Variants in KIRREL3 observed in about 807,000 individuals in gnomAD.
KIRREL3 encodes kin of IRRE-like protein 3.
KIRREL3 carries 36 observed loss-of-function variants against 89.7 expected under a neutral mutation model. The observed-to-expected ratio is 0.40, with a 90% CI of 0.31 to 0.53. The LOEUF (loss-of-function observed/expected upper bound fraction) is 0.53. Among genes scored for constraint, KIRREL3 ranks in the 20% least tolerant of loss-of-function variants. KIRREL3 has a pLI of 0.49. For missense variants in KIRREL3, 864 were observed against 1,056.6 expected, an observed-to-expected ratio of 0.82 and a Z score of 2.53; for synonymous variants, 445 against 441.4, an observed-to-expected ratio of 1.01 and a Z score of -0.10.
chr11:126,868,845 G>C lies in KIRREL3; in HGVS notation c.55+131610C>G, dbSNP rs573509729. 2.0e-5 allele frequency among the ~76,000 whole-genome samples: 3 copies of C among 152,250 alleles called. No individual in the cohort carries two copies. The East Asian group carries it at 5.8e-4, about 30-fold the overall frequency. ...GAAGTCCAAGACCAAGGCACTGGCAGATTAGGTGTCTGGGGAGGGCCTGGT... is the reference window on the plus strand; with the variant it reads ...GAAGTCCAAGACCAAGGCACTGGCACATTAGGTGTCTGGGGAGGGCCTGGT... On this transcript the variant is annotated intron_variant, in intron 1 of 16. Transcript: ENST00000525144.
rs1418081518 is a variant in KIRREL3 at position 126,739,372 on chromosome 11, C to T, written c.56-176460G>A. 3.3e-5 allele frequency among the ~76,000 whole-genome samples: 5 copies of T among 152,232 alleles called. No individual in the cohort carries two copies. Among genetic ancestry groups the T allele is most frequent in the African/African-American group, 1.2e-4 (5 of 41,458 alleles). ...TGTGTAGGAGGCTGGGTAGACATTACTAAATTACTTTCACTTTACAGATGG... is the reference window on the plus strand; with the variant it reads ...TGTGTAGGAGGCTGGGTAGACATTATTAAATTACTTTCACTTTACAGATGG... On this transcript the variant is annotated intron_variant, in intron 1 of 16. Coordinates refer to ENST00000525144, the MANE Select transcript of KIRREL3 (RefSeq NM_032531.4). This position sits in a 1 kb window ranked among gnomAD's most constrained non-coding sequence, Gnocchi z 5.5.
intron 1 of KIRREL3, among the ~76,000 whole-genome samples, chr11:126,751,667 G>GA (rs368506233): frequency 1.2e-3 from 165 of 143,328 alleles, no homozygotes; most frequent in African/African-American, 2.7e-3. Flanking sequence ...TCTTTTTGAG[G>GA]AAAAAAAAAA....
In KIRREL3 at chr11:126,645,083, G is replaced by A. The variant is rs924870546; in HGVS notation, c.56-82171C>T. Among the ~76,000 whole-genome samples, 3 of 152,296 alleles carry A rather than the reference G, an allele frequency of 2.0e-5. No individual in the cohort carries two copies. The East Asian group carries it at 5.8e-4, about 29-fold the overall frequency. ...CAATGGGAGAGTGGATAAATGAGCAGAGGTGAAGTGAACACAGCATATTCT... is the reference window on the plus strand; with the variant it reads ...CAATGGGAGAGTGGATAAATGAGCAAAGGTGAAGTGAACACAGCATATTCT... On this transcript the variant is annotated intron_variant, in intron 1 of 16. Transcript: ENST00000525144. The surrounding 1 kb of genome is among the most constrained non-coding windows in gnomAD (Gnocchi z 4.9).
chr11:126,643,137 T>TG lies in KIRREL3; in HGVS notation c.56-80226dup, dbSNP rs1231909760. On this transcript the variant is annotated intron_variant, in intron 1 of 16. Transcript: ENST00000525144. The surrounding 1 kb of genome is among the most constrained non-coding windows in gnomAD (Gnocchi z 4.5). ...CTGCCACTTACTAATTCTGTAATATTGGGCAGAAAATGTAAACAAGCATAG... is the reference window on the plus strand; with the variant it reads ...CTGCCACTTACTAATTCTGTAATATTGGGGCAGAAAATGTAAACAAGCATAG... Among the ~76,000 whole-genome samples, 1 of 152,196 alleles carries TG rather than the reference T, an allele frequency of 6.6e-6. No individual in the cohort carries two copies. The highest frequency in any genetic ancestry group is 1.5e-5 in the Non-Finnish European group (1 of 68,030).
In KIRREL3 at chr11:126,513,019, G is replaced by A. The variant is rs1218934180; in HGVS notation, c.433+8296C>T. On this transcript the variant is annotated intron_variant, in intron 4 of 16. Transcript: ENST00000525144. The surrounding 1 kb of genome is among the most constrained non-coding windows in gnomAD (Gnocchi z 5.9). ...TGAATGCGTCCCAGCTCCCCAGTGA[G>A]GGCCGTTTGTCCTGCTTGGGTCTGG... Among the ~76,000 whole-genome samples the A allele has an allele frequency of 6.6e-6, 1 of 152,102 alleles. No homozygotes were observed. Among genetic ancestry groups the A allele is most frequent in the Non-Finnish European group, 1.5e-5 (1 of 68,020 alleles).
At chr11:126,875,746 C>T (rs183925974) in intron 1 of KIRREL3, among the ~76,000 whole-genome samples, 1 of 152,306 alleles carries the variant, frequency 6.6e-6, no homozygotes, top group East Asian at 1.9e-4. Flanking sequence ...ATTGGCAATC[C>T]ATTCTCATTA....
chr11:126,882,193 A>T (rs1945530969), intron 1 of KIRREL3, among the ~76,000 whole-genome samples: 1 of 152,128 alleles, frequency 6.6e-6, no homozygotes, highest in African/African-American at 2.4e-5. Context: ...GATCCTTTCA[A>T]ATGTATCTAA....
chr11:126,585,220 CTTTT>C (rs3042225), intron 1 of KIRREL3, among the ~76,000 whole-genome samples: 16,633 of 82,044 alleles, frequency 0.2, 1,723 homozygotes, highest in East Asian at 0.45. Flanking sequence ...CGCCCGGCCT[CTTTT>C]TTTTTTTTTT....
chr11:126,819,235 C>G (rs997784806), intron 1 of KIRREL3, among the ~76,000 whole-genome samples: 1 of 152,136 alleles, frequency 6.6e-6, no homozygotes, highest in Admixed American at 6.5e-5. Context: ...AGCCAAGCCC[C>G]TGAGAGCATC....
intron 1 of KIRREL3, among the ~76,000 whole-genome samples, chr11:126,793,949 G>A (rs752094785): frequency 1.4e-4 from 22 of 152,074 alleles, no homozygotes; most frequent in Non-Finnish European, 2.5e-4. Context: ...GTTATATAAC[G>A]GCCTGAAAGG....
Position 126,739,030 on chromosome 11 carries a change from C to T in KIRREL3, c.56-176118G>A, listed in dbSNP as rs146955422. Among the ~76,000 whole-genome samples, 3 of 152,274 alleles carry T rather than the reference C, an allele frequency of 2.0e-5. No individual in the cohort carries two copies. The highest frequency in any genetic ancestry group is 2.9e-5 in the Non-Finnish European group (2 of 68,040). ...ATAACACTACAACAATCTTGAAAGGCGGGTATATATGATACAAACGGTACA... is the reference window on the plus strand; with the variant it reads ...ATAACACTACAACAATCTTGAAAGGTGGGTATATATGATACAAACGGTACA... On this transcript the variant is annotated intron_variant, in intron 1 of 16. Transcript: ENST00000525144. The surrounding 1 kb of genome is among the most constrained non-coding windows in gnomAD (Gnocchi z 5.5).
chr11:126,983,975 T>C lies in KIRREL3; in HGVS notation c.55+16480A>G, dbSNP rs1433915630. Among the ~76,000 whole-genome samples the C allele has an allele frequency of 6.6e-6, 1 of 152,110 alleles. No homozygotes were observed. Among genetic ancestry groups the C allele is most frequent in the Non-Finnish European group, 1.5e-5 (1 of 68,026 alleles). On this transcript the variant is annotated intron_variant, in intron 1 of 16. Coordinates refer to ENST00000525144, the MANE Select transcript of KIRREL3 (RefSeq NM_032531.4). The surrounding 1 kb of genome is among the most constrained non-coding windows in gnomAD (Gnocchi z 4.9). Reference sequence around the variant, plus strand: ...TCATTTTAGATGCATAGGAAATAATTTAATTCATTGCATGTAATGGATGCC... The same window carrying C: ...TCATTTTAGATGCATAGGAAATAATCTAATTCATTGCATGTAATGGATGCC...
intron 1 of KIRREL3, among the ~76,000 whole-genome samples, chr11:126,972,935 G>T (rs1042582107): frequency 3.9e-5 from 6 of 152,038 alleles, no homozygotes. Context: ...GTGCTGCTCT[G>T]GTTGAGTTGA....
rs550786058 is a variant in KIRREL3 at position 126,739,049 on chromosome 11, C to T, written c.56-176137G>A. Among the ~76,000 whole-genome samples the T allele has an allele frequency of 6.6e-5, 10 of 152,288 alleles. No individual in the cohort carries two copies. Among genetic ancestry groups the T allele is most frequent in the South Asian group, 4.1e-4 (2 of 4,828 alleles). ...GAAAGGCGGGTATATATGATACAAA[C>T]GGTACAAATGAAGAAACTGGCTTTC... On this transcript the variant is annotated intron_variant, in intron 1 of 16. Transcript: ENST00000525144. The surrounding 1 kb of genome is among the most constrained non-coding windows in gnomAD (Gnocchi z 5.5).
rs903305767 is a variant in KIRREL3, at chr11:126,989,966, C to T, written c.55+10489G>A. Among the ~76,000 whole-genome samples, 23 of 152,206 alleles carry T rather than the reference C, an allele frequency of 1.5e-4. No individual in the cohort carries two copies. The highest frequency in any genetic ancestry group is 5.6e-4 in the African/African-American group (23 of 41,434). ...CAGGAATAATGAAGCCTCATTTTAGCATCTGTTTGTTTTGTTTTTTCAGCA... is the reference window on the plus strand; with the variant it reads ...CAGGAATAATGAAGCCTCATTTTAGTATCTGTTTGTTTTGTTTTTTCAGCA... On this transcript the variant is annotated intron_variant, in intron 1 of 16. Coordinates refer to ENST00000525144, the MANE Select transcript of KIRREL3 (RefSeq NM_032531.4). This position sits in a 1 kb window ranked among gnomAD's most constrained non-coding sequence, Gnocchi z 6.2.
At chr11:126,831,980 C>T (rs1038731777) in intron 1 of KIRREL3, among the ~76,000 whole-genome samples, 6 of 152,234 alleles carry the variant, frequency 3.9e-5, no homozygotes, top group Non-Finnish European at 8.8e-5. Context: ...CTAAACTGTA[C>T]AGATAATGTG....
chr11:126,926,852 T>C lies in KIRREL3; in HGVS notation c.55+73603A>G, dbSNP rs550543648. On this transcript the variant is annotated intron_variant, in intron 1 of 16. Coordinates refer to ENST00000525144, the MANE Select transcript of KIRREL3 (RefSeq NM_032531.4). ...AGTTTTTCTAATCGCTATGGATTTT[T>C]CCCCCATTTTAGTGGATTTGAGAGA... 7.9e-5 allele frequency among the ~76,000 whole-genome samples: 12 copies of C among 152,268 alleles called. No homozygotes were observed. The East Asian group carries it at 1.9e-3, about 25-fold the overall frequency.
At position 126,615,813 on chromosome 11, in the gene KIRREL3, A is replaced by G. The variant is rs1487364482; in HGVS notation, c.56-52901T>C. ...GGCTCTGGGATGGCAGTGCTCTCTCAGCAGTTATGGTCTTTTCCAGGTAAT... is the reference window on the plus strand; with the variant it reads ...GGCTCTGGGATGGCAGTGCTCTCTCGGCAGTTATGGTCTTTTCCAGGTAAT... On this transcript the variant is annotated intron_variant, in intron 1 of 16. Coordinates refer to ENST00000525144, the MANE Select transcript of KIRREL3 (RefSeq NM_032531.4). This position sits in a 1 kb window ranked among gnomAD's most constrained non-coding sequence, Gnocchi z 5.4. Among the ~76,000 whole-genome samples the G allele has an allele frequency of 6.6e-6, 1 of 152,178 alleles. No individual in the cohort carries two copies. The highest frequency in any genetic ancestry group is 2.4e-5 in the African/African-American group (1 of 41,452).
Position 126,811,313 on chromosome 11 carries a change from G to A in KIRREL3, c.55+189142C>T, listed in dbSNP as rs937103440. 3.3e-5 allele frequency among the ~76,000 whole-genome samples: 5 copies of A among 152,162 alleles called. No individual in the cohort carries two copies. Among genetic ancestry groups the A allele is most frequent in the Admixed American group, 2.0e-4 (3 of 15,284 alleles). On this transcript the variant is annotated intron_variant, in intron 1 of 16. Transcript: ENST00000525144. The surrounding 1 kb of genome is among the most constrained non-coding windows in gnomAD (Gnocchi z 4.3). Reference sequence around the variant, plus strand: ...AGAGAACTTTGACCCAGAACCGAGTGACTGTTATGGAGCTACGAGGTCCTT... The same window carrying A: ...AGAGAACTTTGACCCAGAACCGAGTAACTGTTATGGAGCTACGAGGTCCTT...
Sources: gnomAD v4.1 joint callset for allele counts (sites outside exome capture counted in the v4.1 genomes callset) on GRCh38, gnomAD v4.1.1 for gene constraint, Gnocchi (gnomAD v3.1) non-coding constraint, MANE v1.5 for transcripts, NCBI Gene and HGNC (gene_info 2026-07-23, HGNC 2026-07-21) for gene names.